The following SOX5 variants were observed in gnomAD, a reference collection of about 807,000 sequenced individuals.
SOX5 encodes SRY-box transcription factor 5.
Under a neutral mutation model 92.0 loss-of-function variants are expected in SOX5, and 9 were observed. The observed-to-expected ratio is 0.10, with a 90% CI of 0.06 to 0.17. The LOEUF is 0.17. Among genes scored for constraint, SOX5 ranks in the 10% least tolerant of loss-of-function variants. The pLI, the probability that SOX5 is intolerant of heterozygous loss-of-function variation, is 1.00. For missense variants in SOX5, 642 were observed against 944.5 expected, an observed-to-expected ratio of 0.68 and a Z score of 4.20; for synonymous variants, 344 against 336.3, an observed-to-expected ratio of 1.02 and a Z score of -0.25.
chr12:24,430,128 A>G (rs1024553913), intron 1 of SOX5, among the ~76,000 whole-genome samples: 9 of 152,202 alleles, frequency 5.9e-5, no homozygotes, highest in African/African-American at 2.2e-4. Context: ...AATGTGAACT[A>G]AAAGTAAAAG....
intron 2 of SOX5, 41 bp downstream of exon 2, chr12:23,895,752 C>A (rs1035551854): frequency 5.6e-6 from 8 of 1,435,898 alleles, no homozygotes; most frequent in South Asian, 2.3e-5. Flanking sequence ...GTAGACTGGT[C>A]AAAAAGTGAG....
At chr12:23,650,156 A>T (rs1372249703) in intron 7 of SOX5, among the ~76,000 whole-genome samples, 1 of 152,152 alleles carries the variant, frequency 6.6e-6, no homozygotes, top group Non-Finnish European at 1.5e-5. Context: ...TTCACCATGT[A>T]AACTAATCCA....
intron 6 of SOX5, among the ~76,000 whole-genome samples, chr12:23,695,813 C>A (rs965762243): frequency 2.0e-5 from 3 of 151,242 alleles, no homozygotes; most frequent in South Asian, 4.2e-4. Flanking sequence ...CGGTGGCGGG[C>A]GCCTATAGTT....
chr12:23,863,283 G>A (rs2096775954), intron 2 of SOX5, among the ~76,000 whole-genome samples: 1 of 152,022 alleles, frequency 6.6e-6, no homozygotes, highest in Non-Finnish European at 1.5e-5. Context: ...ATTGCATTCA[G>A]AACCTAAGAA....
intron 4 of SOX5, among the ~76,000 whole-genome samples, chr12:24,063,484 A>G: frequency 6.6e-6 from 1 of 152,230 alleles, no homozygotes; most frequent in East Asian, 1.9e-4. Context: ...GTAAGTCTAT[A>G]TGTTATTTCC....
At chr12:24,073,477 T>C (rs1942072362) in intron 4 of SOX5, among the ~76,000 whole-genome samples, 1 of 152,216 alleles carries the variant, frequency 6.6e-6, no homozygotes, top group South Asian at 2.1e-4. Context: ...AACATGTCTT[T>C]TCATTTCAAC....
chr12:24,513,490 G>A lies in SOX5; in HGVS notation c.-251+48839C>T, dbSNP rs60625366. 1.9e-3 allele frequency among the ~76,000 whole-genome samples: 283 copies of A among 152,276 alleles called. 1 individual carries two copies. The highest frequency in any genetic ancestry group is 6.6e-3 in the African/African-American group (273 of 41,562). On this transcript the variant is annotated intron_variant, in intron 1 of 4. Coordinates refer to the SOX5 transcript ENST00000446891. ...TTCTAATTAAAGGAGAAGTACACTA[G>A]GGAATAATTAAAGGGCTCTCCAAGG...
At chr12:23,905,253 T>G (rs2097279594) in intron 1 of SOX5, among the ~76,000 whole-genome samples, 1 of 152,224 alleles carries the variant, frequency 6.6e-6, no homozygotes, top group Non-Finnish European at 1.5e-5. Flanking sequence ...AAACAGTTTA[T>G]GGCAGCCAAA....
At chr12:23,830,962 C>T (rs2096307172) in intron 3 of SOX5, among the ~76,000 whole-genome samples, 1 of 152,066 alleles carries the variant, frequency 6.6e-6, no homozygotes, top group South Asian at 2.1e-4. Flanking sequence ...AAATATCATG[C>T]ACCAGGGGCC....
chr12:24,034,570 A>ATTTT lies in SOX5; in HGVS notation c.-1-138550_-1-138547dup, dbSNP rs34793688. 3.5e-3 allele frequency among the ~76,000 whole-genome samples: 503 copies of ATTTT among 144,140 alleles called. 6 individuals carry two copies. The highest frequency in any genetic ancestry group is 0.012 in the African/African-American group (486 of 38,970). 94.6% of individuals were successfully genotyped at this position (144,140 alleles called of 152,430 possible). ...ACTCTCATCACCAATGCTCGGGAGGATTTTTTTTTTTTTTTTTAAGGTGTA... is the reference window on the plus strand; with the variant it reads ...ACTCTCATCACCAATGCTCGGGAGGATTTTTTTTTTTTTTTTTTTTTAAGGTGTA... On this transcript the variant is annotated intron_variant, in intron 4 of 4. Transcript: ENST00000446891.
chr12:23,908,262 T>TC (rs35099067), intron 1 of SOX5, among the ~76,000 whole-genome samples: 10 of 151,668 alleles, frequency 6.6e-5, no homozygotes, highest in Non-Finnish European at 1.3e-4. Flanking sequence ...AGAGAATGCT[T>TC]CCCCCCAGCA....
chr12:23,603,361 T>A (rs1388612317), intron 9 of SOX5, among the ~76,000 whole-genome samples: 1 of 150,580 alleles, frequency 6.6e-6, no homozygotes, highest in Non-Finnish European at 1.5e-5. Context: ...CACTGTTTTG[T>A]TTTAGACATG....
Position 24,115,528 on chromosome 12 carries a change from A to C in SOX5, c.-2+97815T>G, listed in dbSNP as rs145583492. Among the ~76,000 whole-genome samples, 809 of 152,322 alleles carry C rather than the reference A, an allele frequency of 5.3e-3. 14 individuals are homozygous for C. The highest frequency in any genetic ancestry group is 0.018 in the African/African-American group (756 of 41,576). ...ATCCAAAGGAGACTCCAGAAATGGG[A>C]GACCCCAAGGAGGGAAAACAACAGC... On this transcript the variant is annotated intron_variant, in intron 4 of 4. Transcript: ENST00000446891.
At chr12:23,739,929 G>A (rs933526381) in intron 5 of SOX5, among the ~76,000 whole-genome samples, 1 of 151,884 alleles carries the variant, frequency 6.6e-6, no homozygotes, top group Non-Finnish European at 1.5e-5. Context: ...TCCTTTATCT[G>A]TCTCTTTCTT....
At chr12:24,534,863 G>A (rs1003882972) in intron 1 of SOX5, among the ~76,000 whole-genome samples, 1 of 152,230 alleles carries the variant, frequency 6.6e-6, no homozygotes, top group African/African-American at 2.4e-5. Context: ...GTCCAGAGGG[G>A]ATGCGAGGGC....
chr12:23,539,143 T>G (rs1196484822), intron 13 of SOX5, among the ~76,000 whole-genome samples: 1 of 152,056 alleles, frequency 6.6e-6, no homozygotes, highest in Admixed American at 6.6e-5. Flanking sequence ...CAAAGATTCT[T>G]CCCTAAGTTT....
rs1301461640 is a variant in SOX5, at chr12:23,605,976, C to T, written c.1018-1443G>A. On this transcript the variant is annotated intron_variant, in intron 8 of 14. Coordinates refer to ENST00000451604, the MANE Select transcript of SOX5 (RefSeq NM_006940.6). ...TTACATCTTTTCTTACCCCAGCCAA[C>T]TGGAAAGAATAAAAATGATTGTCTT... is the stretch of plus-strand genomic sequence containing the variant. Among the ~76,000 whole-genome samples, 7 of 151,814 alleles carry T rather than the reference C, an allele frequency of 4.6e-5. No homozygotes were observed. The East Asian group carries it at 7.7e-4, about 17-fold the overall frequency.
intron 2 of SOX5, among the ~76,000 whole-genome samples, chr12:24,282,263 C>A (rs1267998882): frequency 2.6e-5 from 4 of 151,876 alleles, no homozygotes; most frequent in Non-Finnish European, 5.9e-5. Flanking sequence ...TGTTAAATGA[C>A]GAGTTAATGG....
At chr12:24,274,467 A>T (rs6487383) in intron 3 of SOX5, among the ~76,000 whole-genome samples, 116,103 of 152,018 alleles carry the variant, frequency 0.76, 44,449 homozygotes, top group East Asian at 0.9. Context: ...TTGCATGGTA[A>T]AATGTTTTCC....
Sources: allele counts gnomAD v4.1 joint callset (sites outside exome capture counted in the v4.1 genomes callset), GRCh38; gene constraint gnomAD v4.1.1; transcripts MANE v1.5; gene names NCBI Gene and HGNC (gene_info 2026-07-23, HGNC 2026-07-21).